STAG1: variants seen among roughly 807,000 people sequenced by gnomAD.
STAG1 encodes the protein STAG1 cohesin complex component.
A neutral mutation model predicts 170.9 loss-of-function variants in STAG1; 26 were observed. The ratio of observed to expected loss-of-function variants is 0.15; its 90% CI spans 0.11 to 0.21. The LOEUF is 0.21. Among genes scored for constraint, STAG1 ranks in the 10% least tolerant of loss-of-function variants. The pLI is 1.00. For synonymous variants in STAG1, 514 were observed against 497.7 expected (o/e 1.03, Z -0.44); for missense variants, 964 against 1,509.5 (o/e 0.64, Z 5.99).
chr3:136,751,893 C>A (rs1576852405), intron 1 of STAG1, among the ~76,000 whole-genome samples: 2 of 150,814 alleles, frequency 1.3e-5, no homozygotes, highest in Non-Finnish European at 3.0e-5. Flanking sequence ...CCCGGGCGGG[C>A]GGGGGCAAAA....
intron 14 of STAG1, among the ~76,000 whole-genome samples, chr3:136,446,851 A>T (rs2088795931): frequency 6.6e-6 from 1 of 150,882 alleles, no homozygotes; most frequent in African/African-American, 2.4e-5. Flanking sequence ...GTCGCCCAGG[A>T]TGCAGTGGCG....
intron 30 of STAG1, 46 bp downstream of exon 30, chr3:136,343,786 T>C: frequency 6.9e-7 from 1 of 1,449,084 alleles, no homozygotes; most frequent in Non-Finnish European, 9.2e-7. Flanking sequence ...ATAGTTTTAC[T>C]TTCTTTAAAG....
chr3:136,630,321 C>T (rs1940282224), intron 2 of STAG1, among the ~76,000 whole-genome samples: 2 of 151,286 alleles, frequency 1.3e-5, no homozygotes, highest in Admixed American at 6.6e-5. Flanking sequence ...GCCGGAACAC[C>T]TCAACAATCT....
chr3:136,683,165 A>C (rs1942396844), intron 1 of STAG1, among the ~76,000 whole-genome samples: 1 of 152,200 alleles, frequency 6.6e-6, no homozygotes, highest in South Asian at 2.1e-4. Context: ...GCAAAACAAG[A>C]GTTCTAGAGA....
chr3:136,626,358 G>A (rs1018706102), intron 2 of STAG1, among the ~76,000 whole-genome samples: 5 of 150,832 alleles, frequency 3.3e-5, no homozygotes, highest in South Asian at 2.1e-4. Flanking sequence ...CCCACGAGGC[G>A]TAGGTTGGCC....
intron 9 of STAG1, among the ~76,000 whole-genome samples, chr3:136,486,650 C>A (rs1182909175): frequency 6.6e-6 from 1 of 152,138 alleles, no homozygotes; most frequent in Non-Finnish European, 1.5e-5. Flanking sequence ...TCAATAGGTA[C>A]AGCATGCTGA....
At chr3:136,682,091 A>G (rs1440682588) in intron 1 of STAG1, among the ~76,000 whole-genome samples, 1 of 152,164 alleles carries the variant, frequency 6.6e-6, no homozygotes, top group Non-Finnish European at 1.5e-5. Flanking sequence ...AACTATCTCT[A>G]TTTGCAGAAG....
chr3:136,531,373 C>G (rs1935358197), intron 6 of STAG1, among the ~76,000 whole-genome samples: 1 of 151,112 alleles, frequency 6.6e-6, no homozygotes. Context: ...GGATCTAGAA[C>G]TGGAAATACC....
intron 13 of STAG1, among the ~76,000 whole-genome samples, chr3:136,456,703 A>C (rs1260452425): frequency 6.6e-6 from 1 of 152,216 alleles, no homozygotes; most frequent in African/African-American, 2.4e-5. Flanking sequence ...TTCCCAAGGC[A>C]TATCATAATC....
chr3:136,674,059 T>C (rs1480623570), intron 1 of STAG1, among the ~76,000 whole-genome samples: 64 of 138,802 alleles, frequency 4.6e-4, no homozygotes, highest in Non-Finnish European at 3.0e-4. Flanking sequence ...GCTGAAATCA[T>C]ACCACTGCAC....
chr3:136,344,000 C>T lies in STAG1; in HGVS notation c.3278G>A (p.Ser1093Asn), dbSNP rs1936113277. The change falls in exon 30 of 34, where the codon AGT becomes AAT. Residue 1093 changes from serine to asparagine, a missense_variant. Physicochemically the swap from Ser to Asn is conservative, Grantham distance 46. Around this residue, in one of 11 missense-constraint regions of STAG1, gnomAD observed 122 missense variants for 129.0 expected, o/e 0.95. Coordinates refer to ENST00000383202, the MANE Select transcript of STAG1 (RefSeq NM_005862.3). ...CCTGTTTAGCCATGTGTTATCCAGA[C>T]TCTCATCTGTAAAATTCCAGTTAAG... ...PLHKKRVEDE[S>N]LDNTWLNRTD... 3 of 1,572,626 alleles carry T rather than the reference C, an allele frequency of 1.9e-6. No homozygotes were observed. Among genetic ancestry groups the T allele is most frequent in the Non-Finnish European group, 2.6e-6 (3 of 1,162,670 alleles).
chr3:136,523,490 C>T (rs571773658), intron 6 of STAG1, among the ~76,000 whole-genome samples: 2 of 151,584 alleles, frequency 1.3e-5, no homozygotes, highest in Admixed American at 6.6e-5. Flanking sequence ...GAGTAGATTG[C>T]AAAAATCTTC....
chr3:136,410,949 G>A (rs2087608620), intron 21 of STAG1, among the ~76,000 whole-genome samples: 1 of 152,258 alleles, frequency 6.6e-6, no homozygotes, highest in Non-Finnish European at 1.5e-5. Flanking sequence ...CAGCTACCTG[G>A]GAGGCTGAAG....
intron 1 of STAG1, among the ~76,000 whole-genome samples, chr3:136,747,799 G>A (rs997400511): frequency 1.4e-4 from 21 of 147,348 alleles, no homozygotes; most frequent in Admixed American, 5.4e-4. Context: ...TTTTTGAGAC[G>A]GAGTCTCACT....
intron 1 of STAG1, among the ~76,000 whole-genome samples, chr3:136,724,408 T>A (rs1342466776): frequency 6.6e-6 from 1 of 151,266 alleles, no homozygotes; most frequent in Non-Finnish European, 1.5e-5. Flanking sequence ...GAAGGCAGCA[T>A]GCTCGTTAAG....
intron 22 of STAG1, among the ~76,000 whole-genome samples, chr3:136,378,077 A>G (rs1412268923): frequency 6.6e-6 from 1 of 152,226 alleles, no homozygotes; most frequent in African/African-American, 2.4e-5. Context: ...TACTGCTAGT[A>G]AAGTGAGGCA....
intron 3 of STAG1, among the ~76,000 whole-genome samples, chr3:136,618,279 T>G (rs1296107625): frequency 6.6e-6 from 1 of 152,196 alleles, no homozygotes; most frequent in East Asian, 1.9e-4. Context: ...TTAGCCTGGG[T>G]GGTCTAACCC....
At chr3:136,735,915 C>T (rs1337311845) in intron 1 of STAG1, among the ~76,000 whole-genome samples, 2 of 152,122 alleles carry the variant, frequency 1.3e-5, no homozygotes, top group Non-Finnish European at 2.9e-5. Flanking sequence ...GTTGGGGTGG[C>T]GTAGGCCTCA....
intron 1 of STAG1, among the ~76,000 whole-genome samples, chr3:136,717,047 C>T (rs1449348162): frequency 6.6e-6 from 1 of 152,158 alleles, no homozygotes; most frequent in African/African-American, 2.4e-5. Flanking sequence ...ATAACAGCAA[C>T]GTGTACACAG....
Sources: allele counts gnomAD v4.1 joint callset (sites outside exome capture counted in the v4.1 genomes callset), GRCh38; gene constraint gnomAD v4.1.1; regional missense constraint gnomAD v4.1.1; transcripts MANE v1.5; gene names NCBI Gene and HGNC (gene_info 2026-07-23, HGNC 2026-07-21).